Variants in KHDRBS2 observed in about 807,000 individuals in gnomAD.
KHDRBS2 encodes KH domain-containing, RNA-binding, signal transduction-associated protein 2.
KHDRBS2 carries 26 observed loss-of-function variants against 44.3 expected under a neutral mutation model. The observed-to-expected ratio is 0.59, with a 90% CI of 0.43 to 0.81. The LOEUF is 0.81. Among genes scored for constraint, KHDRBS2 ranks in the 40% least tolerant of loss-of-function variants. KHDRBS2 has a pLI of 0.00. For synonymous variants in KHDRBS2, 194 were observed against 151.1 expected (o/e 1.28, Z -2.08); for missense variants, 476 against 433.1 (o/e 1.10, Z -0.88).
chr6:62,062,788 C>A (rs979062699), intron 2 of KHDRBS2, among the ~76,000 whole-genome samples: 2 of 147,056 alleles, frequency 1.4e-5, no homozygotes, highest in African/African-American at 5.0e-5. Context: ...CAGAGCAGAA[C>A]TGAAGGAAAT....
At chr6:61,572,321 G>A in the KHDRBS2 span, among the ~76,000 whole-genome samples, 1 of 152,018 alleles carries the variant, frequency 6.6e-6, no homozygotes, top group Non-Finnish European at 1.5e-5. Context: ...GATTGAATCA[G>A]TAATAAAAAC....
intron 4 of KHDRBS2, among the ~76,000 whole-genome samples, chr6:61,970,578 C>T (rs1771163912): frequency 6.6e-6 from 1 of 152,104 alleles, no homozygotes; most frequent in African/African-American, 2.4e-5. Context: ...TGTGAGAACT[C>T]TGAACACATC....
At chr6:62,045,383 A>G (rs1787455448) in intron 3 of KHDRBS2, among the ~76,000 whole-genome samples, 1 of 152,002 alleles carries the variant, frequency 6.6e-6, no homozygotes, top group South Asian at 2.1e-4. Flanking sequence ...TGATATTTCT[A>G]TGTTTGGCTC....
chr6:61,926,447 T>G (rs905505949), intron 4 of KHDRBS2, among the ~76,000 whole-genome samples: 1 of 152,160 alleles, frequency 6.6e-6, no homozygotes, highest in East Asian at 1.9e-4. Context: ...AGGAGTAGAA[T>G]TGTCTCCTAA....
the KHDRBS2 span, among the ~76,000 whole-genome samples, chr6:61,592,821 C>A: frequency 1.3e-5 from 2 of 152,144 alleles, no homozygotes; most frequent in East Asian, 3.9e-4. Context: ...TGGATTAGGA[C>A]CAGCAGCCAA....
intron 4 of KHDRBS2, among the ~76,000 whole-genome samples, chr6:61,936,996 T>A (rs1346615950): frequency 1.3e-5 from 2 of 152,072 alleles, no homozygotes; most frequent in Admixed American, 1.3e-4. Context: ...AATTTTTTTA[T>A]AAAATATGTT....
At chr6:61,549,732 C>T in the KHDRBS2 span, among the ~76,000 whole-genome samples, 2 of 152,010 alleles carry the variant, frequency 1.3e-5, no homozygotes, top group Non-Finnish European at 2.9e-5. Flanking sequence ...TGATAAGTAA[C>T]CTTTTCAGAT....
At chr6:61,566,570 G>C in the KHDRBS2 span, among the ~76,000 whole-genome samples, 4 of 152,054 alleles carry the variant, frequency 2.6e-5, no homozygotes, top group Non-Finnish European at 5.9e-5. Context: ...CCTTCCCAAG[G>C]TTAGTTTGAC....
chr6:62,286,158 G>A lies in KHDRBS2; in HGVS notation c.-210C>T. The A allele has an allele frequency of 1.8e-6, 1 of 552,958 alleles. No individual in the cohort carries two copies. Among genetic ancestry groups the A allele is most frequent in the South Asian group, 2.2e-5 (1 of 44,488 alleles). The allele number at this position is 552,958 out of a possible 1,614,324, so 34.3% of individuals were successfully genotyped here. On this transcript the variant is annotated 5_prime_UTR_variant, in exon 1 of 9. The change creates a new upstream start codon in the 5' untranslated region. Coordinates refer to ENST00000281156, the MANE Select transcript of KHDRBS2 (RefSeq NM_152688.4). ...GCGCCCACACCTGCCCGTCCCTTCC[G>A]TCGTCCCTCGCTCGCGCAGAGCCCC...
intron 2 of KHDRBS2, among the ~76,000 whole-genome samples, chr6:62,156,192 T>A (rs1194638680): frequency 6.6e-6 from 1 of 152,164 alleles, no homozygotes; most frequent in East Asian, 1.9e-4. Context: ...TAAAAAACTT[T>A]TAATAATTTC....
chr6:62,120,509 G>C (rs1807358883), intron 2 of KHDRBS2, among the ~76,000 whole-genome samples: 1 of 152,194 alleles, frequency 6.6e-6, no homozygotes, highest in East Asian at 1.9e-4. Flanking sequence ...CAGGGACCAA[G>C]TGGCAGCACT....
At chr6:62,128,600 TGTA>T (rs1809525874) in intron 2 of KHDRBS2, among the ~76,000 whole-genome samples, 1 of 152,026 alleles carries the variant, frequency 6.6e-6, no homozygotes, top group African/African-American at 2.4e-5. Flanking sequence ...TTATGGCGAA[TGTA>T]GAAGTAACAC....
chr6:61,662,272 T>C, the KHDRBS2 span, among the ~76,000 whole-genome samples: 1 of 152,140 alleles, frequency 6.6e-6, no homozygotes, highest in African/African-American at 2.4e-5. Context: ...GACTTACATG[T>C]TAGACCTAAA....
the KHDRBS2 span, among the ~76,000 whole-genome samples, chr6:61,556,948 T>C: frequency 1.6e-4 from 20 of 126,616 alleles, no homozygotes; most frequent in East Asian, 5.5e-4. Flanking sequence ...TGACTACCAA[T>C]AAAGTTTGTT....
intron 7 of KHDRBS2, among the ~76,000 whole-genome samples, chr6:61,705,294 C>T (rs1769338489): frequency 3.3e-5 from 5 of 151,748 alleles, no homozygotes; most frequent in Admixed American, 2.6e-4. Context: ...TAAGAGGGGG[C>T]CTTAAACAAC....
intron 4 of KHDRBS2, among the ~76,000 whole-genome samples, chr6:61,955,266 A>G (rs578009069): frequency 6.8e-6 from 1 of 146,322 alleles, no homozygotes; most frequent in African/African-American, 2.5e-5. Flanking sequence ...ATGTATACAT[A>G]TACGTGTAAA....
intron 2 of KHDRBS2, among the ~76,000 whole-genome samples, chr6:62,146,981 C>T (rs1814078014): frequency 6.6e-6 from 1 of 151,916 alleles, no homozygotes; most frequent in Non-Finnish European, 1.5e-5. Flanking sequence ...TGCCCAAACC[C>T]ATGCCCCCAG....
chr6:61,827,787 C>G (rs564450315), intron 6 of KHDRBS2, among the ~76,000 whole-genome samples: 17 of 152,248 alleles, frequency 1.1e-4, no homozygotes, highest in African/African-American at 3.6e-4. Flanking sequence ...ACAGCAGGCT[C>G]TCTAGTGTCT....
chr6:62,126,960 T>C (rs1809121693), intron 2 of KHDRBS2, among the ~76,000 whole-genome samples: 1 of 152,208 alleles, frequency 6.6e-6, no homozygotes, highest in Non-Finnish European at 1.5e-5. Context: ...GTTCTATCTT[T>C]TCCGTGTATC....
Sources: gnomAD v4.1 joint callset for allele counts (sites outside exome capture counted in the v4.1 genomes callset) on GRCh38, gnomAD v4.1.1 for gene constraint, MANE v1.5 for transcripts, NCBI Gene and HGNC (gene_info 2026-07-23, HGNC 2026-07-21) for gene names.